Variants in SMYD3 observed in about 807,000 individuals in gnomAD.
SMYD3 encodes histone-lysine N-methyltransferase SMYD3.
SMYD3 carries 36 observed loss-of-function variants against 57.7 expected under a neutral mutation model. The ratio of observed to expected loss-of-function variants is 0.62; its 90% confidence interval spans 0.48 to 0.82. SMYD3 has a LOEUF of 0.82. Ranked by LOEUF, SMYD3 falls within the 40% of genes least tolerant of loss-of-function variation. SMYD3 has a pLI of 0.00. For missense variants in SMYD3, 515 were observed against 538.8 expected, an observed-to-expected ratio of 0.96 and a Z score of 0.44; for synonymous variants, 211 against 195.0, an observed-to-expected ratio of 1.08 and a Z score of -0.68.
At chr1:246,259,999 G>A (rs2063974173) in intron 5 of SMYD3, among the ~76,000 whole-genome samples, 1 of 152,182 alleles carries the variant, frequency 6.6e-6, no homozygotes. Context: ...CAAGATCTCT[G>A]CATAAAAGGG....
chr1:245,979,616 C>T (rs1431032808), intron 5 of SMYD3, among the ~76,000 whole-genome samples: 2 of 152,134 alleles, frequency 1.3e-5, no homozygotes, highest in Non-Finnish European at 2.9e-5. Flanking sequence ...CAGTCTGCCT[C>T]AGAAGGAGCT....
intron 6 of SMYD3, among the ~76,000 whole-genome samples, chr1:245,928,304 G>T (rs939521906): frequency 5.9e-5 from 9 of 152,124 alleles, no homozygotes; most frequent in Non-Finnish European, 1.0e-4. Flanking sequence ...GGGGATTGGG[G>T]CATAGTTGAC....
intron 5 of SMYD3, among the ~76,000 whole-genome samples, chr1:246,012,707 GAA>G (rs1211705233): frequency 6.7e-6 from 1 of 149,846 alleles, no homozygotes; most frequent in Non-Finnish European, 1.5e-5. Context: ...TTCCCTTGAG[GAA>G]ACAGCAAAGC....
intron 1 of SMYD3, among the ~76,000 whole-genome samples, chr1:246,486,752 T>C (rs1284498259): frequency 1.3e-5 from 2 of 152,144 alleles, no homozygotes; most frequent in African/African-American, 4.8e-5. Context: ...AGATGAATAA[T>C]ACTAATTAAA....
Position 246,298,177 on chromosome 1 carries a change from A to C in SMYD3, c.531+29024T>G, listed in dbSNP as rs1451290178. 2.0e-5 allele frequency among the ~76,000 whole-genome samples: 3 copies of C among 152,086 alleles called. No individual in the cohort carries two copies. In the East Asian group the frequency reaches 5.8e-4, roughly 29 times the overall value. On this transcript the variant is annotated intron_variant, in intron 5 of 11. Transcript: ENST00000490107. ...GTCAACAGCTAAAGAGAAATAAGAA[A>C]AGAACTTCAGAAGGGGAAACATTCA...
intron 1 of SMYD3, among the ~76,000 whole-genome samples, chr1:246,506,243 T>C (rs776016377): frequency 2.6e-5 from 4 of 152,342 alleles, no homozygotes; most frequent in African/African-American, 7.2e-5. Context: ...CTATTATTCA[T>C]GTATGTTACA....
At chr1:245,797,624 T>C (rs537294792) in intron 10 of SMYD3, among the ~76,000 whole-genome samples, 5 of 151,908 alleles carry the variant, frequency 3.3e-5, no homozygotes, top group East Asian at 1.9e-4. Context: ...TGTATACATA[T>C]GTAACAAACC....
intron 1 of SMYD3, among the ~76,000 whole-genome samples, chr1:246,476,865 A>G (rs1190305197): frequency 1.3e-5 from 2 of 152,230 alleles, no homozygotes; most frequent in African/African-American, 2.4e-5. Context: ...AAACAAATAC[A>G]TCAAGTAAGA....
At chr1:245,839,953 T>C (rs946993932) in intron 10 of SMYD3, among the ~76,000 whole-genome samples, 1 of 152,190 alleles carries the variant, frequency 6.6e-6, no homozygotes, top group Non-Finnish European at 1.5e-5. Flanking sequence ...GAAAGAGTTC[T>C]TGTGAATTAT....
rs537584624 is a variant in SMYD3, at chr1:246,279,155, C to A, written c.531+48046G>T. Among the ~76,000 whole-genome samples, 7 of 152,320 alleles carry A rather than the reference C, an allele frequency of 4.6e-5. No individual in the cohort carries two copies. The South Asian group carries it at 1.2e-3, about 27-fold the overall frequency. On this transcript the variant is annotated intron_variant, in intron 5 of 11. Coordinates refer to ENST00000490107, the MANE Select transcript of SMYD3 (RefSeq NM_001167740.2). The stretch of plus-strand genomic sequence containing the variant: ...TTACTCCCTTCTGTGGAGACACACA[C>A]CCCTTGGCTCTAAGTGGCCCCAGTG...
intron 5 of SMYD3, among the ~76,000 whole-genome samples, chr1:246,169,414 A>G (rs2062286486): frequency 6.7e-6 from 1 of 149,896 alleles, no homozygotes; most frequent in African/African-American, 2.5e-5. Flanking sequence ...ACCTCTAACA[A>G]TATATGTGAA....
intron 1 of SMYD3, among the ~76,000 whole-genome samples, chr1:246,503,419 G>A (rs184984309): frequency 6.8e-4 from 103 of 152,324 alleles, no homozygotes; most frequent in African/African-American, 2.2e-3. Flanking sequence ...GCGACTTCAA[G>A]TTCCCCAAAA....
chr1:245,984,401 G>A (rs1251910437), intron 5 of SMYD3, among the ~76,000 whole-genome samples: 1 of 152,152 alleles, frequency 6.6e-6, no homozygotes. Flanking sequence ...CAACCATGCA[G>A]CACAAATCTA....
intron 5 of SMYD3, among the ~76,000 whole-genome samples, chr1:246,077,804 G>C (rs959783039): frequency 2.0e-5 from 3 of 152,026 alleles, no homozygotes; most frequent in African/African-American, 7.2e-5. Context: ...CAAGTTGCCT[G>C]TTTATGTATC....
At chr1:246,057,634 C>T (rs1189011278) in intron 5 of SMYD3, among the ~76,000 whole-genome samples, 1 of 152,208 alleles carries the variant, frequency 6.6e-6, no homozygotes, top group Non-Finnish European at 1.5e-5. Flanking sequence ...ATAACAGGAA[C>T]TCTCGTTCAC....
At chr1:246,194,083 C>T (rs747221058) in intron 5 of SMYD3, among the ~76,000 whole-genome samples, 3 of 152,100 alleles carry the variant, frequency 2.0e-5, no homozygotes, top group Admixed American at 6.6e-5. Flanking sequence ...CTAAAGGTTC[C>T]TCATACCATC....
intron 8 of SMYD3, among the ~76,000 whole-genome samples, chr1:245,902,622 A>G (rs1289868154): frequency 6.6e-6 from 1 of 152,208 alleles, no homozygotes; most frequent in African/African-American, 2.4e-5. Context: ...CAGTACCTAC[A>G]TGTGCCAACA....
intron 10 of SMYD3, among the ~76,000 whole-genome samples, chr1:245,767,183 G>T (rs2046151147): frequency 6.6e-6 from 1 of 152,118 alleles, no homozygotes; most frequent in Non-Finnish European, 1.5e-5. Flanking sequence ...AGGACAAAAA[G>T]ACGGTCATCT....
At chr1:246,200,979 T>C (rs1350434696) in intron 5 of SMYD3, among the ~76,000 whole-genome samples, 1 of 152,186 alleles carries the variant, frequency 6.6e-6, no homozygotes, top group Non-Finnish European at 1.5e-5. Context: ...TTGAAAACAA[T>C]GTTTCTTGAC....
Sources: allele counts gnomAD v4.1 joint callset (sites outside exome capture counted in the v4.1 genomes callset), GRCh38; gene constraint gnomAD v4.1.1; transcripts MANE v1.5; gene names NCBI Gene and HGNC (gene_info 2026-07-23, HGNC 2026-07-21).